The following UBE2L3 variants were observed in gnomAD, a reference collection of about 807,000 sequenced individuals.
The protein encoded by UBE2L3 is ubiquitin-conjugating enzyme E2 L3.
UBE2L3 carries 1 observed loss-of-function variant against 17.8 expected under a neutral mutation model. The observed-to-expected ratio is 0.06, with a 90% CI of 0.02 to 0.27. UBE2L3 has a LOEUF of 0.27. UBE2L3 is among the 10% of genes least tolerant of loss of function. The pLI is 1.00. For missense variants in UBE2L3, 40 were observed against 192.6 expected (o/e 0.21, Z 4.69); for synonymous variants, 44 against 68.5 (o/e 0.64, Z 1.76).
chr22:21,552,869 GC>G (rs1196213904), intron 1 of UBE2L3, among the ~76,000 whole-genome samples: 3 of 132,772 alleles, frequency 2.3e-5, no homozygotes, highest in African/African-American at 6.1e-5. Flanking sequence ...GACTACAGGT[GC>G]CCGCCACCAC....
chr22:21,574,919 C>T (rs377426489), intron 1 of UBE2L3, among the ~76,000 whole-genome samples: 10 of 151,624 alleles, frequency 6.6e-5, no homozygotes, highest in East Asian at 1.9e-4. Flanking sequence ...GAGCTGAGAT[C>T]GTGCCACTGC....
intron 1 of UBE2L3, among the ~76,000 whole-genome samples, chr22:21,560,596 G>A (rs1252778577): frequency 5.3e-5 from 8 of 150,480 alleles, no homozygotes; most frequent in South Asian, 2.1e-4. Context: ...GATTACAGGC[G>A]CATGCCACCA....
At chr22:21,564,037 CTTTT>C (rs131661), upstream of UBE2L3, among the ~76,000 whole-genome samples, 3 of 138,106 alleles carry the variant, frequency 2.2e-5, no homozygotes, top group Non-Finnish European at 3.2e-5. Context: ...TTCTTTCTTT[CTTTT>C]TTTTTTTTTT....
At chr22:21,575,795 C>T (rs574769585) in intron 1 of UBE2L3, among the ~76,000 whole-genome samples, 46 of 151,004 alleles carry the variant, frequency 3.0e-4, no homozygotes, top group Non-Finnish European at 5.8e-4. Context: ...AGATATGCGC[C>T]ACCATACCCG....
chr22:21,555,636 A>ATT (rs1244120572), intron 1 of UBE2L3, among the ~76,000 whole-genome samples: 3 of 150,446 alleles, frequency 2.0e-5, no homozygotes, highest in African/African-American at 7.4e-5. Context: ...AAAAAAAAAA[A>ATT]TTTTTTTTTT....
intron 2 of UBE2L3, among the ~76,000 whole-genome samples, chr22:21,609,028 G>T (rs1481101716): frequency 6.6e-6 from 1 of 151,680 alleles, no homozygotes; most frequent in African/African-American, 2.4e-5. Flanking sequence ...CTGAGTAGCT[G>T]GGACTACAGG....
intron 1 of UBE2L3, among the ~76,000 whole-genome samples, chr22:21,558,020 C>G (rs541811234): frequency 2.0e-5 from 3 of 151,128 alleles, no homozygotes; most frequent in Non-Finnish European, 4.4e-5. Context: ...GGCAATATGT[C>G]CCCCTTACGT....
intron 2 of UBE2L3, among the ~76,000 whole-genome samples, chr22:21,608,127 G>A (rs1035044516): frequency 1.3e-5 from 2 of 152,190 alleles, no homozygotes; most frequent in Admixed American, 6.5e-5. Context: ...CCAAAATCCA[G>A]AACACTGCCA....
intron 2 of UBE2L3, among the ~76,000 whole-genome samples, chr22:21,603,529 T>TAAA (rs780658850): frequency 0.14 from 10,928 of 79,714 alleles, 932 homozygotes; most frequent in East Asian, 0.33. Context: ...GACTCTGTCT[T>TAAA]AAAAAAAAAA....
chr22:21,618,162 C>CA (rs1929871786), intron 3 of UBE2L3, among the ~76,000 whole-genome samples: 1 of 151,602 alleles, frequency 6.6e-6, no homozygotes, highest in Non-Finnish European at 1.5e-5. Context: ...GCCTGGGCGA[C>CA]AGAGTGAGAC....
chr22:21,580,297 G>A (rs1243379729), intron 1 of UBE2L3, among the ~76,000 whole-genome samples: 1 of 152,190 alleles, frequency 6.6e-6, no homozygotes, highest in Non-Finnish European at 1.5e-5. Flanking sequence ...GTGAAATGGG[G>A]CTAATATGCC....
At chr22:21,615,507 A>T (rs1361596558) in intron 3 of UBE2L3, among the ~76,000 whole-genome samples, 1 of 151,564 alleles carries the variant, frequency 6.6e-6, no homozygotes, top group Non-Finnish European at 1.5e-5. Flanking sequence ...GTGAGCCGAG[A>T]TCACGCCACT....
In UBE2L3 at chr22:21,587,465, C is replaced by T. The variant is rs556908320; in HGVS notation, c.28-5396C>T. ...AAGTGCTGGGATTACAGGTGTGAGC[C>T]ACCGCGCCTCGCCTAGATTTCTTGA... is the stretch of plus-strand genomic sequence containing the variant. On this transcript the variant is annotated intron_variant, in intron 1 of 3. Coordinates refer to ENST00000342192, the MANE Select transcript of UBE2L3 (RefSeq NM_003347.4). 7.2e-5 allele frequency among the ~76,000 whole-genome samples: 11 copies of T among 152,344 alleles called. No individual in the cohort carries two copies. The South Asian group carries it at 2.1e-3, about 29-fold the overall frequency.
chr22:21,620,834 GC>G (rs1481160505), intron 3 of UBE2L3, among the ~76,000 whole-genome samples: 6 of 152,064 alleles, frequency 3.9e-5, no homozygotes, highest in Non-Finnish European at 2.9e-5. Context: ...TCTCTCTAGT[GC>G]CCACTCAGTC....
At chr22:21,614,672 A>G in intron 3 of UBE2L3, 1 of 1,350,864 alleles carries the variant, frequency 7.4e-7, no homozygotes, top group Non-Finnish European at 9.9e-7. Context: ...AAAAGTAAGC[A>G]TAATGGAAGA....
chr22:21,612,378 T>A (rs946094880), intron 3 of UBE2L3, among the ~76,000 whole-genome samples: 1 of 152,160 alleles, frequency 6.6e-6, no homozygotes, highest in Non-Finnish European at 1.5e-5. Flanking sequence ...CAGGCTGGAG[T>A]GCAGTGGCGC....
upstream of UBE2L3, among the ~76,000 whole-genome samples, chr22:21,563,365 C>G (rs1268805243): frequency 6.8e-6 from 1 of 148,094 alleles, no homozygotes; most frequent in African/African-American, 2.5e-5. Flanking sequence ...TCCTGCCTAA[C>G]ACAGTGAAAC....
Position 21,561,187 on chromosome 22 carries a change from C to A in UBE2L3, c.201+11537C>A, listed in dbSNP as rs1456312649. ...CTGAGAAGCTGAGGAACAGCTTGAG[C>A]CTCAGTTTTTTCCTCTGTAAATGGG... On this transcript the variant is annotated intron_variant, in intron 1 of 3. Transcript: ENST00000458578. Among the ~76,000 whole-genome samples, 4 of 152,270 alleles carry A rather than the reference C, an allele frequency of 2.6e-5. No individual in the cohort carries two copies. The East Asian group carries it at 5.8e-4, about 22-fold the overall frequency.
intron 1 of UBE2L3, among the ~76,000 whole-genome samples, chr22:21,561,300 G>T (rs1247677839): frequency 1.3e-5 from 2 of 152,304 alleles, no homozygotes; most frequent in Admixed American, 1.3e-4. Context: ...TCCAGGCTAG[G>T]TGTGGTGGCT....
Sources: allele counts gnomAD v4.1 joint callset (sites outside exome capture counted in the v4.1 genomes callset), GRCh38; gene constraint gnomAD v4.1.1; transcripts MANE v1.5; gene names NCBI Gene and HGNC (gene_info 2026-07-23, HGNC 2026-07-21).